Variants in E2F4 observed in about 807,000 individuals in gnomAD.
The protein encoded by E2F4 is E2F transcription factor 4.
Under a neutral mutation model 44.5 loss-of-function variants are expected in E2F4, and 16 were observed. The ratio of observed to expected loss-of-function variants is 0.36; its 90% confidence interval spans 0.24 to 0.55. The LOEUF (loss-of-function observed/expected upper bound fraction) is 0.55. Among genes scored for constraint, E2F4 ranks in the 20% least tolerant of loss-of-function variants. The pLI, the probability that E2F4 is intolerant of heterozygous loss-of-function variation, is 0.87. For missense variants in E2F4, 473 were observed against 522.1 expected, an observed-to-expected ratio of 0.91 and a Z score of 0.92; for synonymous variants, 242 against 207.2, an observed-to-expected ratio of 1.17 and a Z score of -1.44.
chr16:67,193,344 G>C (rs2032918298), intron 3 of E2F4, 128 bp from the exon 4 acceptor site: 1 of 1,490,442 alleles, frequency 6.7e-7, no homozygotes, highest in South Asian at 1.1e-5. Context: ...TCCCTCCCCC[G>C]GTGGACCTGA....
chr16:67,193,380 T>C, intron 3 of E2F4, 92 bp from the exon 4 acceptor site: 4 of 1,547,792 alleles, frequency 2.6e-6, no homozygotes, highest in Non-Finnish European at 3.6e-6. Context: ...TCTGAGGGCC[T>C]GTGTGTCAGA....
At position 67,198,262 on chromosome 16, in the gene E2F4, T is replaced by C. The variant is rs1019304612; in HGVS notation, c.*139T>C. 1.4e-6 allele frequency: 1 copy of C among 713,010 alleles called. No homozygotes were observed. The highest frequency in any genetic ancestry group is 2.2e-5 in the Admixed American group (1 of 44,756). 44.2% of individuals were successfully genotyped at this position (713,010 alleles called of 1,614,324 possible). ...CTCCGGCCTCCCCTCACCGCACAGT[T>C]CTGGCCACAGCTCCCGCTCCTGTGC... is the stretch of plus-strand genomic sequence containing the variant. On this transcript the variant is annotated 3_prime_UTR_variant, in exon 10 of 10. Transcript: ENST00000379378.
At chr16:67,196,108 C>T (rs2032966164) in intron 7 of E2F4, 102 bp downstream of exon 7, 5 of 1,536,414 alleles carry the variant, frequency 3.3e-6, no homozygotes, top group Admixed American at 3.4e-5. Context: ...TCCTGTCAAC[C>T]CTGCTGGACA....
chr16:67,197,273 C>T (rs980593079), intron 7 of E2F4, among the ~76,000 whole-genome samples: 3 of 152,210 alleles, frequency 2.0e-5, no homozygotes, highest in East Asian at 3.8e-4. Flanking sequence ...AGAGCAGGTG[C>T]TCAGCAAGGG....
chr16:67,195,927 C>T lies in E2F4; in HGVS notation c.954C>T (p.Ser318=), dbSNP rs373280324. The change falls in exon 7 of 10, where the codon AGC becomes AGT. Residue 318 remains serine, a synonymous_variant. Coordinates refer to ENST00000379378, the MANE Select transcript of E2F4 (RefSeq NM_001950.4). ...SSSSSSSSSS[S]SNSNSSSSSG... ...GCAGCAGCAGCAGCAGCAGCAGCAG[C>T]AGCAACAGTAACAGCAGCAGTTCGT... 7 of 1,613,472 alleles carry T rather than the reference C, an allele frequency of 4.3e-6. No homozygotes were observed. The highest frequency in any genetic ancestry group is 5.1e-6 in the Non-Finnish European group (6 of 1,179,736).
intron 6 of E2F4, 190 bp from the exon 7 acceptor site, chr16:67,195,592 A>G: frequency 1.6e-6 from 2 of 1,224,870 alleles, no homozygotes; most frequent in Non-Finnish European, 2.2e-6. Flanking sequence ...CTTCTTCTGT[A>G]GGTCTTGTGT....
chr16:67,194,601 C>A, intron 5 of E2F4, 85 bp from the exon 6 acceptor site: 1 of 1,572,000 alleles, frequency 6.4e-7, no homozygotes, highest in Non-Finnish European at 8.7e-7. Flanking sequence ...TGGGAGAGGA[C>A]ACTGTGGTCC....
In E2F4 at chr16:67,195,923, G is replaced by A. The variant is rs200439672; in HGVS notation, c.950G>A (p.Ser317Asn). The A allele has an allele frequency of 2.6e-4, 420 of 1,612,304 alleles. No individual in the cohort carries two copies. The highest frequency in any genetic ancestry group is 3.4e-4 in the Non-Finnish European group (400 of 1,179,256). Residue 317 changes from serine (S) to asparagine (N), a missense_variant, in exon 7 of 10, where the codon AGC (serine) becomes AAC (asparagine). This residue lies in a region of E2F4 where 314 missense variants were observed against 315.6 expected (regional missense o/e 0.99). Coordinates refer to ENST00000379378, the MANE Select transcript of E2F4 (RefSeq NM_001950.4). Reference sequence around the variant, plus strand: ...AGCAGCAGCAGCAGCAGCAGCAGCAGCAGCAGCAACAGTAACAGCAGCAGT... The same window carrying A: ...AGCAGCAGCAGCAGCAGCAGCAGCAACAGCAGCAACAGTAACAGCAGCAGT... ...SSSSSSSSSS[S>N]SSNSNSSSSS...
Position 67,193,172 on chromosome 16 carries a change from T to A in E2F4, c.407+2T>A. ...CACAGAGGACGTGCAGAACAGCTGA[T>A]ATCCTCCTGGCGGTCCCTGCTGGGG... On this transcript the variant is annotated splice_donor_variant, in intron 3 of 9. Transcript: ENST00000379378. LOFTEE classifies it high-confidence loss of function. 6.4e-7 allele frequency: 1 copy of A among 1,564,868 alleles called. No homozygotes were observed. The highest frequency in any genetic ancestry group is 8.7e-7 in the Non-Finnish European group (1 of 1,154,126).
Position 67,192,247 on chromosome 16 carries a change from A to G in E2F4, c.20A>G (p.Gln7Arg). Residue 7 changes from glutamine (Q) to arginine (R), a missense_variant, in exon 1 of 10, where the codon CAG (glutamine) becomes CGG (arginine). By Grantham distance (43) the Gln-to-Arg change is conservative. This residue lies in a region of E2F4 where 40 missense variants were observed against 30.8 expected (regional missense o/e 1.30). Transcript: ENST00000379378. ...GGCGCGATGGCGGAGGCCGGGCCAC[A>G]GGCGCCGCCGCCCCCGGGCACTCCA... MAEAGP[Q>R]APPPPGTPSR... 7.4e-6 allele frequency: 9 copies of G among 1,214,932 alleles called. No individual in the cohort carries two copies. Among genetic ancestry groups the G allele is most frequent in the South Asian group, 3.1e-5 (1 of 31,782 alleles). The allele number at this position is 1,214,932 out of a possible 1,614,324, so 75.3% of individuals were successfully genotyped here.
intron 6 of E2F4, 59 bp downstream of exon 6, chr16:67,195,039 A>C: frequency 6.4e-7 from 1 of 1,565,524 alleles, no homozygotes; most frequent in Non-Finnish European, 8.7e-7. Flanking sequence ...TGTGTTGTGG[A>C]ACACCATGCT....
Position 67,198,796 on chromosome 16 carries a change from T to C in E2F4, c.*673T>C, listed in dbSNP as rs2033020823. 1 of 237,778 alleles carries C rather than the reference T, an allele frequency of 4.2e-6. No individual in the cohort carries two copies. The highest frequency in any genetic ancestry group is 8.2e-6 in the Non-Finnish European group (1 of 121,634). The allele number at this position is 237,778 out of a possible 1,614,324, so 14.7% of individuals were successfully genotyped here. The stretch of plus-strand genomic sequence containing the variant: ...CCTCATTTAGAGCCATTTGCAGAGA[T>C]TTAGAAAGATTTACAGTAACGAATG... On this transcript the variant is annotated 3_prime_UTR_variant, in exon 10 of 10. Coordinates refer to ENST00000379378, the MANE Select transcript of E2F4 (RefSeq NM_001950.4).
In E2F4 at chr16:67,194,486, G is replaced by T; in HGVS notation, c.513+27G>T. The T allele has an allele frequency of 2.5e-6, 4 of 1,612,874 alleles. 1 individual carries two copies. ...TGGGTGCTTAGCCCAGGCAGGCGGG[G>T]TCAGCTGAGGGCGGGTGCTGGCTGT... is the stretch of plus-strand genomic sequence containing the variant. On this transcript the variant is annotated intron_variant, in intron 5 of 9. Coordinates refer to ENST00000379378, the MANE Select transcript of E2F4 (RefSeq NM_001950.4).
intron 6 of E2F4, 74 bp from the exon 7 acceptor site, chr16:67,195,708 T>C (rs2032955776): frequency 1.3e-6 from 2 of 1,596,366 alleles, no homozygotes; most frequent in Admixed American, 3.5e-5. Flanking sequence ...CTCCTGTGTC[T>C]GGGTTCCAGC....
At chr16:67,192,472 G>A (rs542274290) in intron 1 of E2F4, 110 bp downstream of exon 1, 4 of 1,342,504 alleles carry the variant, frequency 3.0e-6, no homozygotes, top group South Asian at 3.7e-5. Context: ...GGCCGCCATC[G>A]TGTGCTTTCT....
intron 6 of E2F4, 152 bp downstream of exon 6, chr16:67,195,132 CTTTTTT>C (rs1438133695): frequency 8.4e-6 from 9 of 1,076,142 alleles, no homozygotes; most frequent in Non-Finnish European, 1.2e-5. Flanking sequence ...ATGAATGAGC[CTTTTTT>C]GTTTTTGTTT....
At chr16:67,197,576 A>G (rs760587607) in intron 7 of E2F4, 23 bp from the exon 8 acceptor site, 1 of 1,614,050 alleles carries the variant, frequency 6.2e-7, no homozygotes, top group Non-Finnish European at 8.5e-7. Flanking sequence ...CTGTGCCCTG[A>G]GCATGGCTTT....
chr16:67,193,313 C>T (rs2142211703), intron 3 of E2F4, 143 bp downstream of exon 3: 3 of 1,488,572 alleles, frequency 2.0e-6, no homozygotes, highest in East Asian at 2.3e-5. Context: ...GAGCCCCTCC[C>T]CTTCCACTCT....
At chr16:67,194,648 A>T (rs1434890008) in intron 5 of E2F4, 38 bp from the exon 6 acceptor site, 1 of 1,599,242 alleles carries the variant, frequency 6.3e-7, no homozygotes, top group Admixed American at 1.7e-5. Flanking sequence ...CCTGCTTACA[A>T]TTCTACCCAT....
Sources: gnomAD v4.1 joint callset for allele counts (sites outside exome capture counted in the v4.1 genomes callset) on GRCh38, gnomAD v4.1.1 for gene constraint, gnomAD v4.1.1 regional missense constraint, MANE v1.5 for transcripts, NCBI Gene and HGNC (gene_info 2026-07-23, HGNC 2026-07-21) for gene names.